Variants in KLF12 observed in about 807,000 individuals in gnomAD.
KLF12 encodes the protein KLF transcription factor 12.
KLF12 carries 9 observed loss-of-function variants against 37.8 expected under a neutral mutation model. The ratio of observed to expected loss-of-function variants is 0.24; its 90% confidence interval spans 0.14 to 0.42. The LOEUF is 0.42. Among genes scored for constraint, KLF12 ranks in the 10% least tolerant of loss-of-function variants. The probability of loss-of-function intolerance (pLI) is 1.00; values close to 1 mark genes in which losing one functional copy is unlikely to be tolerated. For missense variants in KLF12, 411 were observed against 516.0 expected (o/e 0.80, Z 1.97); for synonymous variants, 208 against 202.1 (o/e 1.03, Z -0.25).
At chr13:73,701,705 G>A (rs1874566063) in intron 7 of KLF12, among the ~76,000 whole-genome samples, 1 of 152,104 alleles carries the variant, frequency 6.6e-6, no homozygotes, top group South Asian at 2.1e-4. Flanking sequence ...GACACTAGTT[G>A]GGTAACGGGT....
chr13:73,758,365 T>C (rs1444139999), intron 6 of KLF12, among the ~76,000 whole-genome samples: 1 of 152,208 alleles, frequency 6.6e-6, no homozygotes, highest in Non-Finnish European at 1.5e-5. Context: ...CTCTGCTGTA[T>C]AAAACCACTG....
chr13:73,768,027 G>A (rs1880031321), intron 5 of KLF12, among the ~76,000 whole-genome samples: 1 of 152,172 alleles, frequency 6.6e-6, no homozygotes. Context: ...CAGAAAAGCT[G>A]TGATAACTTA....
chr13:74,263,242 T>C, the KLF12 span, among the ~76,000 whole-genome samples: 1 of 152,242 alleles, frequency 6.6e-6, no homozygotes, highest in African/African-American at 2.4e-5. Context: ...TTACTTATAG[T>C]AGCCTTGAGA....
intron 4 of KLF12, among the ~76,000 whole-genome samples, chr13:73,837,779 AT>A (rs1325897553): frequency 6.6e-6 from 1 of 152,222 alleles, no homozygotes; most frequent in East Asian, 1.9e-4. Context: ...CAAATTCTAA[AT>A]TGAAGAATTA....
At chr13:74,154,900 T>A in the KLF12 span, among the ~76,000 whole-genome samples, 1 of 152,236 alleles carries the variant, frequency 6.6e-6, no homozygotes, top group African/African-American at 2.4e-5. Context: ...AAAGTCAAAC[T>A]CTTCAAATAT....
the KLF12 span, among the ~76,000 whole-genome samples, chr13:74,219,564 T>C: frequency 6.6e-6 from 1 of 152,366 alleles, no homozygotes; most frequent in South Asian, 2.1e-4. Context: ...TTACAGGAAC[T>C]GTGGGTGAGT....
At chr13:74,177,100 T>A in the KLF12 span, among the ~76,000 whole-genome samples, 1 of 152,180 alleles carries the variant, frequency 6.6e-6, no homozygotes, top group Non-Finnish European at 1.5e-5. Flanking sequence ...GAAACCTAAT[T>A]TATCTGAAGT....
rs1265704522 is a variant in KLF12, at chr13:73,688,306, A to T, written c.*7184T>A. ...CAATACTATAAACAAATTATTTATA[A>T]GACTATTTAAAACATTCCACAACAG... On this transcript the variant is annotated 3_prime_UTR_variant, in exon 8 of 8. Transcript: ENST00000377669. 6.6e-6 allele frequency: 1 copy of T among 152,574 alleles called. No individual in the cohort carries two copies. Among genetic ancestry groups the T allele is most frequent in the Non-Finnish European group, 1.5e-5 (1 of 68,042 alleles). The allele number at this position is 152,574 out of a possible 1,614,324, so 9.5% of individuals were successfully genotyped here.
intron 5 of KLF12, among the ~76,000 whole-genome samples, chr13:73,805,267 T>C (rs887623259): frequency 3.9e-5 from 6 of 152,148 alleles, no homozygotes; most frequent in Non-Finnish European, 8.8e-5. Flanking sequence ...GTATTTAATA[T>C]AATTATTTCT....
At chr13:73,952,533 T>C (rs977802782) in intron 2 of KLF12, among the ~76,000 whole-genome samples, 1 of 152,092 alleles carries the variant, frequency 6.6e-6, no homozygotes, top group Non-Finnish European at 1.5e-5. Flanking sequence ...GGTTAAAATT[T>C]GACATGAGAT....
chr13:73,859,667 C>T (rs1478568117), intron 3 of KLF12, among the ~76,000 whole-genome samples: 9 of 152,110 alleles, frequency 5.9e-5, no homozygotes, highest in Admixed American at 5.9e-4. Flanking sequence ...ATTTAGTTCC[C>T]GTTTGTTCTC....
intron 2 of KLF12, among the ~76,000 whole-genome samples, chr13:73,981,001 A>C (rs370004517): frequency 1.4e-4 from 22 of 152,256 alleles, no homozygotes; most frequent in African/African-American, 5.3e-4. Flanking sequence ...CTCTATAAAA[A>C]ATACAAAAAT....
chr13:74,034,085 CAG>C (rs1422083301), intron 1 of KLF12, among the ~76,000 whole-genome samples: 1 of 152,050 alleles, frequency 6.6e-6, no homozygotes, highest in African/African-American at 2.4e-5. Flanking sequence ...TTTTTTGAGA[CAG>C]AGTCTCGCTC....
chr13:74,067,669 A>T (rs1873993345), intron 1 of KLF12, among the ~76,000 whole-genome samples: 1 of 150,200 alleles, frequency 6.7e-6, no homozygotes, highest in Non-Finnish European at 1.5e-5. Flanking sequence ...GGTAGCAATC[A>T]ACAGACAGTA....
intron 4 of KLF12, among the ~76,000 whole-genome samples, chr13:73,817,549 G>A (rs902643828): frequency 3.3e-5 from 5 of 152,078 alleles, no homozygotes; most frequent in Non-Finnish European, 5.9e-5. Flanking sequence ...ATTAAGTTTG[G>A]CCTAAAGCTG....
rs77887730 is a variant in KLF12 at position 73,916,901 on chromosome 13, T to C, written c.123+27080A>G. ...TAGTTATATAATTGTCCTTATTTGT[T>C]AACTTCATCTGTCCCCAATTAACAG... is the stretch of plus-strand genomic sequence containing the variant. On this transcript the variant is annotated intron_variant, in intron 3 of 7. Transcript: ENST00000377669. 9.4e-3 allele frequency among the ~76,000 whole-genome samples: 1,433 copies of C among 152,322 alleles called. 27 individuals are homozygous for C. Among genetic ancestry groups the C allele is most frequent in the African/African-American group, 0.033 (1,354 of 41,562 alleles).
intron 2 of KLF12, among the ~76,000 whole-genome samples, chr13:73,974,588 C>A (rs1299561854): frequency 6.6e-6 from 1 of 152,138 alleles, no homozygotes; most frequent in African/African-American, 2.4e-5. Context: ...AAAATCCAGT[C>A]AAATGAGTCA....
intron 1 of KLF12, among the ~76,000 whole-genome samples, chr13:74,065,224 A>G (rs371010586): frequency 1.6e-4 from 5 of 32,150 alleles, no homozygotes; most frequent in South Asian, 8.3e-3. Context: ...ACACACACAC[A>G]TGTATATATA....
intron 6 of KLF12, among the ~76,000 whole-genome samples, chr13:73,737,980 A>C (rs1405003087): frequency 1.7e-5 from 2 of 120,610 alleles, no homozygotes; most frequent in Non-Finnish European, 1.7e-5. Flanking sequence ...TAATAATTAA[A>C]ATCAACATAG....
Sources: gnomAD v4.1 joint callset for allele counts (sites outside exome capture counted in the v4.1 genomes callset) on GRCh38, gnomAD v4.1.1 for gene constraint, MANE v1.5 for transcripts, NCBI Gene and HGNC (gene_info 2026-07-23, HGNC 2026-07-21) for gene names.